EXOC6: variants seen among roughly 807,000 people sequenced by gnomAD.
The protein encoded by EXOC6 is SEC15-like 1.
A neutral mutation model predicts 112.5 loss-of-function variants in EXOC6; 60 were observed. The ratio of observed to expected loss-of-function variants is 0.53; its 90% CI spans 0.43 to 0.66. The LOEUF (loss-of-function observed/expected upper bound fraction) is 0.66. Among genes scored for constraint, EXOC6 ranks in the 30% least tolerant of loss-of-function variants. The pLI, the probability that EXOC6 is intolerant of heterozygous loss-of-function variation, is 0.00. For missense variants in EXOC6, 855 were observed against 957.1 expected, an observed-to-expected ratio of 0.89 and a Z score of 1.41; for synonymous variants, 295 against 308.0, an observed-to-expected ratio of 0.96 and a Z score of 0.44.
At chr10:92,832,815 A>G (rs1370869771), upstream of EXOC6, among the ~76,000 whole-genome samples, 1 of 151,144 alleles carries the variant, frequency 6.6e-6, no homozygotes, top group Non-Finnish European at 1.5e-5. Flanking sequence ...GGCATATGCC[A>G]CCAAGCCCAG....
intron 1 of EXOC6, among the ~76,000 whole-genome samples, chr10:92,864,740 G>A (rs576475751): frequency 1.1e-4 from 16 of 152,074 alleles, no homozygotes; most frequent in South Asian, 4.3e-4. Context: ...CATGGACATC[G>A]GAACACCTGG....
chr10:92,867,516 C>T (rs1848233038), intron 1 of EXOC6, among the ~76,000 whole-genome samples: 1 of 152,078 alleles, frequency 6.6e-6, no homozygotes, highest in Non-Finnish European at 1.5e-5. Flanking sequence ...TTGAGTAGCC[C>T]ATGAGGTGCA....
intron 18 of EXOC6, among the ~76,000 whole-genome samples, chr10:92,987,254 C>T (rs1843044522): frequency 6.6e-6 from 1 of 152,158 alleles, no homozygotes; most frequent in Non-Finnish European, 1.5e-5. Context: ...AGAATCACTG[C>T]TCTGTAGCAC....
intron 13 of EXOC6, among the ~76,000 whole-genome samples, chr10:92,942,786 C>T (rs959926919): frequency 1.3e-5 from 2 of 152,106 alleles, no homozygotes; most frequent in African/African-American, 2.4e-5. Context: ...CAGCTATTCT[C>T]TCTTACCTGT....
intron 20 of EXOC6, among the ~76,000 whole-genome samples, chr10:93,016,557 G>A (rs1441889878): frequency 7.2e-5 from 11 of 152,090 alleles, no homozygotes; most frequent in African/African-American, 2.2e-4. Flanking sequence ...TCCGGAAAGG[G>A]CCCCTGGAAG....
intron 8 of EXOC6, among the ~76,000 whole-genome samples, chr10:92,922,231 C>T (rs1301882862): frequency 4.6e-5 from 7 of 152,166 alleles, no homozygotes; most frequent in African/African-American, 1.7e-4. Context: ...CAGGCATGAG[C>T]CACCGTGGCC....
chr10:92,999,730 G>A (rs559620229), intron 19 of EXOC6, among the ~76,000 whole-genome samples: 1 of 150,546 alleles, frequency 6.6e-6, no homozygotes, highest in African/African-American at 2.4e-5. Flanking sequence ...TTGAGGCAGG[G>A]TCTCGCTGTG....
At chr10:92,867,311 C>T (rs1331661824) in intron 1 of EXOC6, among the ~76,000 whole-genome samples, 2 of 152,100 alleles carry the variant, frequency 1.3e-5, no homozygotes, top group Non-Finnish European at 2.9e-5. Context: ...ATCATAAAAT[C>T]GAATTCTCAA....
At chr10:92,925,748 T>C (rs1219348983) in intron 8 of EXOC6, among the ~76,000 whole-genome samples, 1 of 151,988 alleles carries the variant, frequency 6.6e-6, no homozygotes, top group Non-Finnish European at 1.5e-5. Context: ...CTGCTTTGAA[T>C]TCCTGGGTTC....
At chr10:92,868,680 T>G (rs755253825) in intron 1 of EXOC6, among the ~76,000 whole-genome samples, 1 of 152,158 alleles carries the variant, frequency 6.6e-6, no homozygotes, top group Admixed American at 6.5e-5. Flanking sequence ...GAACATGTTA[T>G]GTCTTTCAAG....
chr10:92,949,347 G>A (rs1486261021), intron 14 of EXOC6, among the ~76,000 whole-genome samples: 4 of 152,148 alleles, frequency 2.6e-5, no homozygotes, highest in Non-Finnish European at 1.5e-5. Flanking sequence ...CTAGATTGTA[G>A]CTAATGCCGC....
rs78685623 is a variant in EXOC6 at position 92,995,844 on chromosome 10, T to C, written c.1954-1630T>C. ...TCGATTGAGAAATTGACATTCCGTT[T>C]CACATATGCAGTTTTTCACTGTGCA... On this transcript the variant is annotated intron_variant, in intron 18 of 21. Transcript: ENST00000260762. 3.1e-3 allele frequency among the ~76,000 whole-genome samples: 475 copies of C among 152,330 alleles called. 3 individuals are homozygous for C. Among genetic ancestry groups the C allele is most frequent in the African/African-American group, 0.011 (455 of 41,570 alleles).
chr10:92,924,277 T>C (rs1851589053), intron 8 of EXOC6, among the ~76,000 whole-genome samples: 2 of 152,208 alleles, frequency 1.3e-5, no homozygotes, highest in Non-Finnish European at 2.9e-5. Flanking sequence ...CTAATCTTAA[T>C]ACTCTTCGTT....
intron 20 of EXOC6, among the ~76,000 whole-genome samples, chr10:93,031,510 CT>C (rs778524287): frequency 1.5e-3 from 198 of 130,442 alleles, no homozygotes; most frequent in African/African-American, 4.3e-3. Context: ...TTCTTTCTTT[CT>C]TTTTTTTTTT....
At chr10:92,835,875 T>C (rs1337622340) in intron 1 of EXOC6, among the ~76,000 whole-genome samples, 1 of 152,230 alleles carries the variant, frequency 6.6e-6, no homozygotes, top group Middle Eastern at 3.2e-3. Context: ...TTGTCTTATC[T>C]GAGCATCATA....
intron 13 of EXOC6, among the ~76,000 whole-genome samples, chr10:92,943,721 T>C (rs1357859491): frequency 6.6e-6 from 1 of 152,064 alleles, no homozygotes. Flanking sequence ...TTTTTTTTTT[T>C]TAGTGGTGCA....
At chr10:92,914,862 G>A (rs1390267571) in intron 6 of EXOC6, among the ~76,000 whole-genome samples, 1 of 152,146 alleles carries the variant, frequency 6.6e-6, no homozygotes, top group Admixed American at 6.5e-5. Context: ...CAGAGAGAAT[G>A]TCTCGCAGTG....
chr10:93,006,712 A>G (rs150800720), intron 19 of EXOC6, among the ~76,000 whole-genome samples: 1 of 152,354 alleles, frequency 6.6e-6, no homozygotes, highest in Non-Finnish European at 1.5e-5. Flanking sequence ...GTCTAATAAC[A>G]AAGTTTGTTA....
At chr10:92,913,392 G>A (rs902520483) in intron 6 of EXOC6, among the ~76,000 whole-genome samples, 14 of 152,086 alleles carry the variant, frequency 9.2e-5, no homozygotes, top group Admixed American at 9.2e-4. Flanking sequence ...GTCCTAAAAT[G>A]CAGATAAGAC....
Sources: allele counts gnomAD v4.1 joint callset (sites outside exome capture counted in the v4.1 genomes callset), GRCh38; gene constraint gnomAD v4.1.1; transcripts MANE v1.5; gene names NCBI Gene and HGNC (gene_info 2026-07-23, HGNC 2026-07-21).